The following MEF2C variants were observed in gnomAD, a reference collection of about 807,000 sequenced individuals.
MEF2C encodes the protein myocyte enhancer factor 2C.
In MEF2C, 6 loss-of-function variants were observed where a neutral mutation model predicts 50.5. That is an observed-to-expected ratio of 0.12 (90% CI 0.07 to 0.23). The LOEUF (loss-of-function observed/expected upper bound fraction) is 0.23, where lower values mean the gene tolerates loss of function less well. MEF2C is among the 10% of genes least tolerant of loss of function. The pLI is 1.00. For synonymous variants in MEF2C, 183 were observed against 228.0 expected (o/e 0.80, Z 1.78); for missense variants, 276 against 605.0 (o/e 0.46, Z 5.70).
intron 3 of MEF2C, chr5:88,761,776 A>T: frequency 1.8e-5 from 3 of 165,650 alleles, no homozygotes; most frequent in Non-Finnish European, 2.6e-5. Flanking sequence ...ATTTAAACTA[A>T]TGGTTGGCAT....
intron 10 of MEF2C, among the ~76,000 whole-genome samples, chr5:88,724,620 G>A (rs1479173875): frequency 6.6e-6 from 1 of 152,022 alleles, no homozygotes; most frequent in Non-Finnish European, 1.5e-5. Context: ...CTATTTATTT[G>A]TAGCTTATTA....
chr5:88,867,175 A>C (rs1285638373), intron 1 of MEF2C, among the ~76,000 whole-genome samples: 1 of 152,216 alleles, frequency 6.6e-6, no homozygotes, highest in Non-Finnish European at 1.5e-5. Flanking sequence ...AAGAATTAAT[A>C]CACTTCTTTT....
intron 1 of MEF2C, among the ~76,000 whole-genome samples, chr5:88,871,139 T>C (rs1035888089): frequency 2.0e-5 from 3 of 152,028 alleles, no homozygotes; most frequent in African/African-American, 7.2e-5. Context: ...ACAGTTACAA[T>C]GCAAATTTTA....
chr5:88,770,362 C>A (rs1781834057), intron 3 of MEF2C, among the ~76,000 whole-genome samples: 1 of 152,132 alleles, frequency 6.6e-6, no homozygotes, highest in East Asian at 1.9e-4. Flanking sequence ...TAAGTCAAAT[C>A]ATTATTTTTA....
intron 1 of MEF2C, among the ~76,000 whole-genome samples, chr5:88,828,629 T>C (rs1487163460): frequency 6.6e-6 from 1 of 152,014 alleles, no homozygotes; most frequent in Non-Finnish European, 1.5e-5. Flanking sequence ...AATCAAATAA[T>C]TAAATGATTC....
At chr5:88,737,139 A>C in intron 6 of MEF2C, 1 of 985,410 alleles carries the variant, frequency 1.0e-6, no homozygotes, top group South Asian at 4.7e-5. Context: ...AGGGACAATG[A>C]GGTGAGAACT....
intron 3 of MEF2C, among the ~76,000 whole-genome samples, chr5:88,766,043 T>C (rs1268328073): frequency 2.6e-5 from 4 of 152,168 alleles, no homozygotes; most frequent in African/African-American, 7.2e-5. Context: ...GAAGGTGACA[T>C]ATTCCAAGCA....
intron 3 of MEF2C, among the ~76,000 whole-genome samples, chr5:88,774,159 C>CT (rs1383678303): frequency 6.6e-6 from 1 of 151,982 alleles, no homozygotes; most frequent in African/African-American, 2.4e-5. Context: ...AACAGTTGAC[C>CT]TGGAGGTAGA....
chr5:88,895,803 G>T (rs573303257), intron 1 of MEF2C, among the ~76,000 whole-genome samples: 1 of 152,144 alleles, frequency 6.6e-6, no homozygotes, highest in African/African-American at 2.4e-5. Context: ...TCCCTCAGCC[G>T]CCCCTTTATG....
chr5:88,812,401 G>T (rs913156747), intron 2 of MEF2C, among the ~76,000 whole-genome samples: 3 of 152,066 alleles, frequency 2.0e-5, no homozygotes, highest in African/African-American at 7.2e-5. Flanking sequence ...CAAGAAGTTT[G>T]CTACTGAGAG....
intron 3 of MEF2C, among the ~76,000 whole-genome samples, chr5:88,788,980 G>T (rs1177280290): frequency 6.6e-6 from 1 of 152,036 alleles, no homozygotes; most frequent in Non-Finnish European, 1.5e-5. Context: ...TCATGCATAG[G>T]GTAACTTTGG....
At chr5:88,882,338 A>G (rs1347693775) in intron 1 of MEF2C, among the ~76,000 whole-genome samples, 2 of 152,202 alleles carry the variant, frequency 1.3e-5, no homozygotes, top group Non-Finnish European at 2.9e-5. Flanking sequence ...TGAATTGTGA[A>G]ATGTGTAGAC....
intron 6 of MEF2C, chr5:88,740,899 C>T (rs1581568939): frequency 2.0e-6 from 2 of 985,302 alleles, no homozygotes; most frequent in Non-Finnish European, 2.4e-6. Context: ...TTGACACAAT[C>T]GCTCATTCTT....
intron 1 of MEF2C, among the ~76,000 whole-genome samples, chr5:88,842,698 G>A (rs747293665): frequency 5.9e-5 from 9 of 152,012 alleles, no homozygotes; most frequent in Admixed American, 1.3e-4. Flanking sequence ...TTCGCAGTAG[G>A]AAAAAGGTGA....
At chr5:88,817,320 T>A (rs750113293) in intron 2 of MEF2C, among the ~76,000 whole-genome samples, 53 of 151,960 alleles carry the variant, frequency 3.5e-4, no homozygotes, top group Non-Finnish European at 6.6e-4. Context: ...AATCTATACA[T>A]CTCTTTTTAT....
chr5:88,749,567 C>A, intron 5 of MEF2C: 1 of 869,838 alleles, frequency 1.1e-6, no homozygotes. Flanking sequence ...AATCTACCCA[C>A]ATTTACTACT....
intron 1 of MEF2C, chr5:88,824,299 C>A (rs1341965109): frequency 1.0e-6 from 1 of 985,078 alleles, no homozygotes; most frequent in Non-Finnish European, 1.2e-6. Context: ...AGTTAATGAA[C>A]CTTTATGTAC....
intron 3 of MEF2C, among the ~76,000 whole-genome samples, chr5:88,787,523 A>G (rs568075965): frequency 8.3e-4 from 126 of 152,340 alleles, no homozygotes; most frequent in Non-Finnish European, 1.5e-3. Flanking sequence ...TGTTGCTGTA[A>G]CTGGAACTGA....
rs1175791447 is a variant in MEF2C at position 88,789,981 on chromosome 5, C to A, written c.258+14617G>T. 1.1e-4 allele frequency among the ~76,000 whole-genome samples: 16 copies of A among 152,172 alleles called. 2 individuals are homozygous for A. Among genetic ancestry groups the A allele is most frequent in the Admixed American group, 1.0e-3 (16 of 15,270 alleles). On this transcript the variant is annotated intron_variant, in intron 3 of 10. Transcript: ENST00000504921. ...TTATGGGTACTACTATCTCTCTGCA[C>A]CCAAGGCACATGCCCCTAACCAATC...
Sources: gnomAD v4.1 joint callset for allele counts (sites outside exome capture counted in the v4.1 genomes callset) on GRCh38, gnomAD v4.1.1 for gene constraint, MANE v1.5 for transcripts, NCBI Gene and HGNC (gene_info 2026-07-23, HGNC 2026-07-21) for gene names.